Variants in TAFA1 observed in about 807,000 individuals in gnomAD.
TAFA1 encodes the protein chemokine-like protein TAFA-1.
In TAFA1, 4 loss-of-function variants were observed where a neutral mutation model predicts 18.5. The ratio of observed to expected loss-of-function variants is 0.22; its 90% confidence interval spans 0.11 to 0.49. TAFA1 has a LOEUF of 0.49. Among genes scored for constraint, TAFA1 ranks in the 20% least tolerant of loss-of-function variants. The pLI is 0.98. For missense variants in TAFA1, 147 were observed against 169.0 expected, an observed-to-expected ratio of 0.87 and a Z score of 0.72; for synonymous variants, 56 against 55.2, an observed-to-expected ratio of 1.01 and a Z score of -0.06.
chr3:68,226,409 C>T (rs2066800709), intron 2 of TAFA1, among the ~76,000 whole-genome samples: 1 of 152,178 alleles, frequency 6.6e-6, no homozygotes, highest in African/African-American at 2.4e-5. Flanking sequence ...ATTTTATATG[C>T]ATACGTGAAT....
intron 2 of TAFA1, among the ~76,000 whole-genome samples, chr3:68,194,416 T>G (rs2066386476): frequency 6.6e-6 from 1 of 151,706 alleles, no homozygotes; most frequent in Non-Finnish European, 1.5e-5. Flanking sequence ...GAGAACAAAT[T>G]AAAAAGATGA....
chr3:68,164,847 T>A (rs1386537541), intron 2 of TAFA1, among the ~76,000 whole-genome samples: 1 of 152,210 alleles, frequency 6.6e-6, no homozygotes, highest in Non-Finnish European at 1.5e-5. Context: ...AGTGGCTGTA[T>A]AAACACCTCT....
At chr3:68,281,329 A>G (rs1161785854) in intron 2 of TAFA1, among the ~76,000 whole-genome samples, 1 of 152,136 alleles carries the variant, frequency 6.6e-6, no homozygotes, top group Non-Finnish European at 1.5e-5. Context: ...TTTTTTTGAG[A>G]TTATCTTTAT....
chr3:68,220,538 G>A (rs957909097), intron 2 of TAFA1, among the ~76,000 whole-genome samples: 37 of 151,866 alleles, frequency 2.4e-4, no homozygotes, highest in Non-Finnish European at 2.2e-4. Flanking sequence ...ACTGATGGAT[G>A]TCCATTCCGA....
chr3:68,526,542 C>A lies in TAFA1; in HGVS notation c.260-12214C>A, dbSNP rs150070240. On this transcript the variant is annotated intron_variant, in intron 3 of 4. Transcript: ENST00000478136. ...ATCAACCAAAAGTGATATTTTAATA[C>A]CTCAATAACTATAAAAATGATTACA... Among the ~76,000 whole-genome samples the A allele has an allele frequency of 7.0e-3, 1,059 of 152,108 alleles. 11 individuals carry two copies. Among genetic ancestry groups the A allele is most frequent in the African/African-American group, 0.025 (1,021 of 41,508 alleles).
intron 2 of TAFA1, among the ~76,000 whole-genome samples, chr3:68,322,479 A>G (rs979428485): frequency 3.9e-5 from 6 of 152,142 alleles, no homozygotes; most frequent in African/African-American, 1.4e-4. Context: ...CTTTATTAGG[A>G]GACCCAGTTT....
intron 2 of TAFA1, among the ~76,000 whole-genome samples, chr3:68,399,746 A>G (rs978712737): frequency 4.6e-5 from 7 of 152,196 alleles, no homozygotes; most frequent in Admixed American, 1.3e-4. Context: ...CAGTCCTCAT[A>G]TCTACTCAAT....
chr3:68,051,589 G>A (rs764608180), intron 2 of TAFA1, among the ~76,000 whole-genome samples: 4 of 152,188 alleles, frequency 2.6e-5, no homozygotes, highest in South Asian at 2.1e-4. Context: ...TACCTGGCTC[G>A]AAATGACATT....
chr3:68,109,131 C>T (rs1184439475), intron 2 of TAFA1, among the ~76,000 whole-genome samples: 1 of 151,874 alleles, frequency 6.6e-6, no homozygotes, highest in African/African-American at 2.4e-5. Flanking sequence ...TATTTGCTTG[C>T]TTCTGTGACA....
intron 2 of TAFA1, among the ~76,000 whole-genome samples, chr3:68,082,358 T>C (rs1323118761): frequency 6.6e-6 from 1 of 152,178 alleles, no homozygotes; most frequent in Non-Finnish European, 1.5e-5. Flanking sequence ...ACTTCCTAAT[T>C]AATTTATTCC....
At chr3:68,469,177 T>C (rs1423407993) in intron 3 of TAFA1, among the ~76,000 whole-genome samples, 2 of 151,112 alleles carry the variant, frequency 1.3e-5, no homozygotes, top group Non-Finnish European at 2.9e-5. Flanking sequence ...ATTTTATAAA[T>C]ATAAATGTAT....
chr3:68,266,993 C>A (rs2067560208), intron 2 of TAFA1, among the ~76,000 whole-genome samples: 1 of 152,124 alleles, frequency 6.6e-6, no homozygotes, highest in African/African-American at 2.4e-5. Flanking sequence ...GTACAGGGGG[C>A]TTTGGGTGCC....
At chr3:68,486,112 A>T (rs55848785) in intron 3 of TAFA1, among the ~76,000 whole-genome samples, 1 of 126,116 alleles carries the variant, frequency 7.9e-6, no homozygotes, top group Non-Finnish European at 1.6e-5. Flanking sequence ...GTTTTATTTT[A>T]TTTTATTTTA....
chr3:68,406,876 G>A (rs961861159), intron 2 of TAFA1, among the ~76,000 whole-genome samples: 1 of 152,180 alleles, frequency 6.6e-6, no homozygotes, highest in Non-Finnish European at 1.5e-5. Flanking sequence ...CCTCATTGGT[G>A]CACCTTTGGG....
chr3:68,200,318 G>T (rs1049987252), intron 2 of TAFA1, among the ~76,000 whole-genome samples: 1 of 151,562 alleles, frequency 6.6e-6, no homozygotes, highest in African/African-American at 2.4e-5. Context: ...TCTTTGTCTG[G>T]TTTTGTATTT....
At position 68,355,763 on chromosome 3, in the gene TAFA1, A is replaced by G. The variant is rs2069349840; in HGVS notation, c.119-61517A>G. On this transcript the variant is annotated intron_variant, in intron 2 of 4. Coordinates refer to ENST00000478136, the MANE Select transcript of TAFA1 (RefSeq NM_213609.4). Reference sequence around the variant, plus strand: ...GGAAACAGATGTTAATGCAACATAAAGAAGGCTTTTCTTATGTTCAAAGCT... The same window carrying G: ...GGAAACAGATGTTAATGCAACATAAGGAAGGCTTTTCTTATGTTCAAAGCT... Among the ~76,000 whole-genome samples, 3 of 152,102 alleles carry G rather than the reference A, an allele frequency of 2.0e-5. No homozygotes were observed. In the South Asian group the frequency reaches 6.2e-4, roughly 32 times the overall value.
chr3:68,111,775 TGAGAAAGAGAGAGA>T (rs1352490301), intron 2 of TAFA1, among the ~76,000 whole-genome samples: 1,112 of 26,254 alleles, frequency 0.042, 11 homozygotes, highest in South Asian at 0.23. Context: ...GACACACACA[TGAGAAAGAGAGAGA>T]GAGAGAGAGA....
intron 2 of TAFA1, among the ~76,000 whole-genome samples, chr3:68,313,081 G>C (rs978857134): frequency 6.6e-6 from 1 of 152,090 alleles, no homozygotes; most frequent in African/African-American, 2.4e-5. Context: ...GAATGGGAAA[G>C]ACTTGATCCC....
chr3:68,078,413 T>G (rs2064854357), intron 2 of TAFA1, among the ~76,000 whole-genome samples: 2 of 152,164 alleles, frequency 1.3e-5, no homozygotes, highest in Admixed American at 6.5e-5. Context: ...ATGCTTCCAA[T>G]TTTTGCCCAT....
Sources: allele counts gnomAD v4.1 joint callset (sites outside exome capture counted in the v4.1 genomes callset), GRCh38; gene constraint gnomAD v4.1.1; transcripts MANE v1.5; gene names NCBI Gene and HGNC (gene_info 2026-07-23, HGNC 2026-07-21).